PTPRE: variants seen among roughly 807,000 people sequenced by gnomAD.
The protein encoded by PTPRE is receptor-type tyrosine-protein phosphatase epsilon.
In PTPRE, 51 loss-of-function variants were observed where a neutral mutation model predicts 102.0. That is an observed-to-expected ratio of 0.50 (90% CI 0.40 to 0.63). The LOEUF (loss-of-function observed/expected upper bound fraction) is 0.63, where lower values mean the gene tolerates loss of function less well. Ranked by LOEUF, PTPRE falls within the 30% of genes least tolerant of loss-of-function variation. The pLI, the probability that PTPRE is intolerant of heterozygous loss-of-function variation, is 0.00. For missense variants in PTPRE, 752 were observed against 915.1 expected, an observed-to-expected ratio of 0.82 and a Z score of 2.30; for synonymous variants, 345 against 348.2, an observed-to-expected ratio of 0.99 and a Z score of 0.10.
chr10:127,978,125 T>C (rs1851330371), intron 1 of PTPRE, among the ~76,000 whole-genome samples: 1 of 152,150 alleles, frequency 6.6e-6, no homozygotes, highest in East Asian at 1.9e-4. Flanking sequence ...TAATCCAGTA[T>C]CATTATTGCC....
At chr10:127,916,322 A>G (rs555168836) in intron 1 of PTPRE, among the ~76,000 whole-genome samples, 1 of 152,246 alleles carries the variant, frequency 6.6e-6, no homozygotes, top group East Asian at 1.9e-4. Flanking sequence ...TGATGGTTTT[A>G]TAAGGGGCTC....
At chr10:127,966,111 T>G (rs1850227512) in intron 1 of PTPRE, among the ~76,000 whole-genome samples, 1 of 152,182 alleles carries the variant, frequency 6.6e-6, no homozygotes, top group Admixed American at 6.5e-5. Context: ...AGGGCAACCC[T>G]AAAGAGAGGA....
chr10:128,082,193 T>TTCTC (rs199753672), intron 20 of PTPRE, among the ~76,000 whole-genome samples: 6,965 of 55,456 alleles, frequency 0.13, 1,473 homozygotes, highest in African/African-American at 0.25. Flanking sequence ...TTTTTTCTCT[T>TTCTC]TCTTTTTTTT....
intron 2 of PTPRE, among the ~76,000 whole-genome samples, chr10:128,010,704 G>A (rs1844940324): frequency 6.6e-6 from 1 of 152,080 alleles, no homozygotes; most frequent in African/African-American, 2.4e-5. Flanking sequence ...CCATTCTCCT[G>A]CCTCAGCCTC....
At chr10:127,988,761 A>C (rs1174691285) in intron 2 of PTPRE, among the ~76,000 whole-genome samples, 1 of 152,240 alleles carries the variant, frequency 6.6e-6, no homozygotes, top group Non-Finnish European at 1.5e-5. Flanking sequence ...GTTCAATAGA[A>C]GCTCAAAGCC....
chr10:127,981,467 G>A (rs766955382), intron 1 of PTPRE, among the ~76,000 whole-genome samples: 2 of 152,060 alleles, frequency 1.3e-5, no homozygotes, highest in Non-Finnish European at 2.9e-5. Context: ...TTTATCGTAT[G>A]AAAATTATGT....
chr10:128,066,579 G>T (rs916731607), intron 11 of PTPRE, among the ~76,000 whole-genome samples: 2 of 152,132 alleles, frequency 1.3e-5, no homozygotes, highest in Non-Finnish European at 2.9e-5. Context: ...AAACCTCCTC[G>T]TTATTTTCCA....
At chr10:127,925,289 G>A (rs1038305900) in intron 1 of PTPRE, among the ~76,000 whole-genome samples, 1 of 152,216 alleles carries the variant, frequency 6.6e-6, no homozygotes, top group Non-Finnish European at 1.5e-5. Context: ...AGCCTGGGAA[G>A]CTGTATTCTG....
chr10:127,929,578 T>A (rs1847269515), intron 1 of PTPRE: 2 of 152,194 alleles, frequency 1.3e-5, no homozygotes, highest in African/African-American at 4.8e-5. Context: ...GGAATACGGA[T>A]CCCCAGTTCC....
At chr10:128,022,425 TG>T (rs1198494218) in intron 2 of PTPRE, among the ~76,000 whole-genome samples, 1 of 152,248 alleles carries the variant, frequency 6.6e-6, no homozygotes, top group Non-Finnish European at 1.5e-5. Context: ...CCAGGCGTTT[TG>T]TGAAGCTCGG....
chr10:127,950,272 G>A (rs936377161), intron 1 of PTPRE, among the ~76,000 whole-genome samples: 27 of 152,180 alleles, frequency 1.8e-4, no homozygotes, highest in African/African-American at 6.5e-4. Context: ...ACTGAGCAGA[G>A]ATTCTGCAGT....
intron 1 of PTPRE, among the ~76,000 whole-genome samples, chr10:127,951,296 G>A (rs1849004973): frequency 6.6e-6 from 1 of 152,160 alleles, no homozygotes; most frequent in Admixed American, 6.5e-5. Context: ...TTCCCTCCAG[G>A]AAGGACTCTG....
intron 2 of PTPRE, among the ~76,000 whole-genome samples, chr10:127,996,623 G>A (rs1853297902): frequency 6.6e-6 from 1 of 152,162 alleles, no homozygotes; most frequent in Admixed American, 6.5e-5. Context: ...CCGGCATTCG[G>A]CTTCAGCCTC....
Position 128,083,369 on chromosome 10 carries a change from G to A in PTPRE, c.*463G>A, listed in dbSNP as rs1371639724. The A allele has an allele frequency of 6.5e-6, 1 of 152,842 alleles. No individual in the cohort carries two copies. Among genetic ancestry groups the A allele is most frequent in the Non-Finnish European group, 1.5e-5 (1 of 68,530 alleles). 9.5% of individuals were successfully genotyped at this position (152,842 alleles called of 1,614,324 possible). A position where few individuals can be genotyped will look rare whatever the true frequency, so the allele number is the denominator to read the frequency against. ...TTTTGGAAGGCAAACTGTTCGTGAT[G>A]GTACAATGTAAATGGGGACTTCTGT... On this transcript the variant is annotated 3_prime_UTR_variant, in exon 21 of 21. Coordinates refer to ENST00000254667, the MANE Select transcript of PTPRE (RefSeq NM_006504.6).
chr10:128,065,399 G>T (rs909707945), intron 10 of PTPRE, among the ~76,000 whole-genome samples: 1 of 152,180 alleles, frequency 6.6e-6, no homozygotes, highest in Non-Finnish European at 1.5e-5. Flanking sequence ...GGACACCACC[G>T]GGCAGGTGCT....
chr10:128,025,731 C>T (rs1014447197), intron 2 of PTPRE, among the ~76,000 whole-genome samples: 1 of 152,184 alleles, frequency 6.6e-6, no homozygotes, highest in Non-Finnish European at 1.5e-5. Flanking sequence ...CAGAGCCCTA[C>T]ATGTCGGGCT....
intron 2 of PTPRE, among the ~76,000 whole-genome samples, chr10:127,983,814 G>T (rs1322493310): frequency 1.3e-5 from 2 of 152,158 alleles, no homozygotes; most frequent in African/African-American, 2.4e-5. Flanking sequence ...AAGTTGACCT[G>T]CTCCCCATCA....
chr10:128,016,076 G>A (rs560818775), intron 2 of PTPRE, among the ~76,000 whole-genome samples: 12 of 152,122 alleles, frequency 7.9e-5, no homozygotes, highest in Non-Finnish European at 1.8e-4. Context: ...GGACTTTTTG[G>A]TAGACTGAAA....
At chr10:128,075,926 G>A (rs895573930) in intron 17 of PTPRE, among the ~76,000 whole-genome samples, 5 of 152,058 alleles carry the variant, frequency 3.3e-5, no homozygotes, top group Non-Finnish European at 7.4e-5. Context: ...AGCTCTTTAC[G>A]TAATCTTGAT....
Sources: gnomAD v4.1 joint callset for allele counts (sites outside exome capture counted in the v4.1 genomes callset) on GRCh38, gnomAD v4.1.1 for gene constraint, MANE v1.5 for transcripts, NCBI Gene and HGNC (gene_info 2026-07-23, HGNC 2026-07-21) for gene names.